Variants in RIC1 observed in about 807,000 individuals in gnomAD.
RIC1 encodes guanine nucleotide exchange factor subunit RIC1.
RIC1 carries 88 observed loss-of-function variants against 169.0 expected under a neutral mutation model. That is an observed-to-expected ratio of 0.52 (90% confidence interval 0.44 to 0.62). The LOEUF is 0.62. RIC1 is among the 20% of genes least tolerant of loss of function. The pLI is 0.00. For synonymous variants in RIC1, 790 were observed against 601.5 expected (o/e 1.31, Z -4.59); for missense variants, 1,877 against 1,725.5 (o/e 1.09, Z -1.56).
intron 12 of RIC1, among the ~76,000 whole-genome samples, chr9:5,751,522 A>C (rs571205695): frequency 4.6e-5 from 7 of 151,632 alleles, no homozygotes; most frequent in Admixed American, 1.3e-4. Flanking sequence ...CGCCTGGCTA[A>C]TTTTTGTATT....
chr9:5,689,813 C>G, intron 2 of RIC1, 146 bp from the exon 3 acceptor site: 2 of 552,194 alleles, frequency 3.6e-6, no homozygotes, highest in Non-Finnish European at 3.1e-6. Context: ...AAAGTCGCTT[C>G]TATTTGCATA....
At chr9:5,701,926 T>C (rs553221284) in intron 3 of RIC1, among the ~76,000 whole-genome samples, 2 of 152,314 alleles carry the variant, frequency 1.3e-5, no homozygotes, top group South Asian at 2.1e-4. Flanking sequence ...ATCCCACTTA[T>C]GCAGGGATCC....
intron 7 of RIC1, among the ~76,000 whole-genome samples, chr9:5,736,917 G>T (rs1304249150): frequency 6.6e-6 from 1 of 151,622 alleles, no homozygotes; most frequent in African/African-American, 2.4e-5. Flanking sequence ...TCCTTGAGAA[G>T]AGGTAGGACC....
downstream of RIC1, chr9:5,776,608 A>T (rs1586745627): frequency 1.3e-5 from 2 of 152,060 alleles, no homozygotes; most frequent in African/African-American, 2.4e-5. Flanking sequence ...TCATCTTTTC[A>T]TTATATAATT....
intron 2 of RIC1, among the ~76,000 whole-genome samples, chr9:5,659,682 C>T (rs982013006): frequency 5.9e-5 from 9 of 152,158 alleles, no homozygotes; most frequent in Non-Finnish European, 8.8e-5. Flanking sequence ...CCTTCAATTT[C>T]TGTAAGGAGT....
intron 2 of RIC1, among the ~76,000 whole-genome samples, chr9:5,663,723 T>C (rs1307192620): frequency 1.3e-5 from 2 of 152,198 alleles, no homozygotes; most frequent in African/African-American, 4.8e-5. Context: ...TATGGGTCTT[T>C]TGAAGACAGC....
Position 5,636,512 on chromosome 9 carries a change from G to T in RIC1, c.144+7059G>T, listed in dbSNP as rs144631068. Among the ~76,000 whole-genome samples the T allele has an allele frequency of 2.5e-4, 38 of 152,100 alleles. 2 individuals are homozygous for T. The East Asian group carries it at 7.3e-3, about 29-fold the overall frequency. ...TTTTTGTATTTTTAGTAGAGACAGG[G>T]TTTCACCATGTTGGCCAGGCTGGTA... On this transcript the variant is annotated intron_variant, in intron 1 of 25. Coordinates refer to ENST00000414202, the MANE Select transcript of RIC1 (RefSeq NM_020829.4).
intron 12 of RIC1, among the ~76,000 whole-genome samples, chr9:5,748,424 C>T (rs761292839): frequency 2.0e-5 from 3 of 152,204 alleles, no homozygotes; most frequent in Non-Finnish European, 2.9e-5. Flanking sequence ...CCTACATTGA[C>T]ATCTGGTATA....
chr9:5,681,289 G>A (rs1363639201), intron 2 of RIC1, among the ~76,000 whole-genome samples: 1 of 152,000 alleles, frequency 6.6e-6, no homozygotes, highest in African/African-American at 2.4e-5. Flanking sequence ...GCTTTCTCTT[G>A]TGGGCATTTA....
Position 5,764,302 on chromosome 9 carries a change from A to G in RIC1, c.2841+434A>G, listed in dbSNP as rs1169154484. ...TGTTTCCTTTCAGTGTGGGTTACTGAGGGGACACTTATTAGAGCATGGTCA... is the reference window on the plus strand; with the variant it reads ...TGTTTCCTTTCAGTGTGGGTTACTGGGGGGACACTTATTAGAGCATGGTCA... On this transcript the variant is annotated intron_variant, in intron 19 of 25. Coordinates refer to ENST00000414202, the MANE Select transcript of RIC1 (RefSeq NM_020829.4). Among the ~76,000 whole-genome samples, 3 of 152,302 alleles carry G rather than the reference A, an allele frequency of 2.0e-5. No homozygotes were observed. The South Asian group carries it at 6.2e-4, about 32-fold the overall frequency.
At chr9:5,773,277 A>G (rs1827355312) in intron 25 of RIC1, 197 bp downstream of exon 25, 1 of 219,112 alleles carries the variant, frequency 4.6e-6, no homozygotes, top group Non-Finnish European at 8.7e-6. Context: ...AATTCCATCG[A>G]GTAAGGTTAC....
intron 3 of RIC1, among the ~76,000 whole-genome samples, chr9:5,708,559 G>T (rs1171787660): frequency 6.6e-6 from 1 of 152,054 alleles, no homozygotes; most frequent in Admixed American, 6.6e-5. Flanking sequence ...TTCAGCACTT[G>T]AAATATGTCA....
Position 5,763,946 on chromosome 9 carries a change from C to T in RIC1, c.2841+78C>T, listed in dbSNP as rs1826507409. The T allele has an allele frequency of 6.9e-7, 1 of 1,443,858 alleles. No individual in the cohort carries two copies. Among genetic ancestry groups the T allele is most frequent in the Non-Finnish European group, 9.3e-7 (1 of 1,071,668 alleles). 89.4% of individuals were successfully genotyped at this position (1,443,858 alleles called of 1,614,324 possible). A position where few individuals can be genotyped will look rare whatever the true frequency, so the allele number is the denominator to read the frequency against. ...AAAATAGAAATGTCCTGTTTTGACA[C>T]CATGATTGTGTTTAAGGAATTCATA... On this transcript the variant is annotated intron_variant, in intron 19 of 25. Transcript: ENST00000414202. This position sits in a 1 kb window ranked among gnomAD's most constrained non-coding sequence, Gnocchi z 5.2.
chr9:5,709,162 T>G (rs1822779406), intron 3 of RIC1, among the ~76,000 whole-genome samples: 2 of 152,172 alleles, frequency 1.3e-5, no homozygotes, highest in African/African-American at 4.8e-5. Context: ...TCACTTCCCC[T>G]CATATTTTAT....
chr9:5,751,032 G>A (rs1023608892), intron 12 of RIC1, among the ~76,000 whole-genome samples: 3 of 151,766 alleles, frequency 2.0e-5, no homozygotes, highest in African/African-American at 7.3e-5. Context: ...ATTGATCATA[G>A]TGTGATCATT....
Position 5,753,663 on chromosome 9 carries a change from A to G in RIC1, c.1602+17A>G. ...ATTACCCAGGTTAGTCTTTTTTGAG[A>G]TTAAAAACCTATTTCTCAAAGTATA... On this transcript the variant is annotated intron_variant, in intron 14 of 25. Transcript: ENST00000414202. The G allele has an allele frequency of 7.8e-7, 1 of 1,280,112 alleles. No homozygotes were observed. Among genetic ancestry groups the G allele is most frequent in the South Asian group, 1.3e-5 (1 of 78,724 alleles). The allele number at this position is 1,280,112 out of a possible 1,614,324, so 79.3% of individuals were successfully genotyped here.
intron 15 of RIC1, among the ~76,000 whole-genome samples, chr9:5,755,287 G>A (rs1825939445): frequency 6.6e-6 from 1 of 152,010 alleles, no homozygotes; most frequent in Non-Finnish European, 1.5e-5. Context: ...TTAATTATGG[G>A]GGATACATTC....
At chr9:5,678,853 A>G (rs1255504873) in intron 2 of RIC1, among the ~76,000 whole-genome samples, 2 of 152,048 alleles carry the variant, frequency 1.3e-5, no homozygotes, top group Non-Finnish European at 2.9e-5. Context: ...GTTGAATTAG[A>G]TCCCATTTGT....
intron 3 of RIC1, among the ~76,000 whole-genome samples, chr9:5,694,357 C>G (rs183870671): frequency 1.8e-4 from 28 of 152,288 alleles, no homozygotes; most frequent in Non-Finnish European, 3.7e-4. Context: ...GGAACTTTAG[C>G]CACTTTTTCC....
Sources: allele counts gnomAD v4.1 joint callset (sites outside exome capture counted in the v4.1 genomes callset), GRCh38; gene constraint gnomAD v4.1.1; non-coding constraint Gnocchi (gnomAD v3.1); transcripts MANE v1.5; gene names NCBI Gene and HGNC (gene_info 2026-07-23, HGNC 2026-07-21).